TOGARAM1: variants seen among roughly 807,000 people sequenced by gnomAD.
The protein encoded by TOGARAM1 is TOG array regulator of axonemal microtubules protein 1.
In TOGARAM1, 100 loss-of-function variants were observed where a neutral mutation model predicts 166.6. The ratio of observed to expected loss-of-function variants is 0.60; its 90% CI spans 0.51 to 0.71. The LOEUF is 0.71. Among genes scored for constraint, TOGARAM1 ranks in the 30% least tolerant of loss-of-function variants. TOGARAM1 has a pLI of 0.00. For missense variants in TOGARAM1, 2,029 were observed against 2,102.7 expected, an observed-to-expected ratio of 0.96 and a Z score of 0.69; for synonymous variants, 758 against 763.8, an observed-to-expected ratio of 0.99 and a Z score of 0.13.
At chr14:45,008,829 C>A in intron 5 of TOGARAM1, 84 bp from the exon 6 acceptor site, 1 of 1,056,856 alleles carries the variant, frequency 9.5e-7, no homozygotes, top group Non-Finnish European at 1.4e-6. Flanking sequence ...CTAGGTATAG[C>A]TAATGGAGTT....
intron 10 of TOGARAM1, among the ~76,000 whole-genome samples, chr14:45,031,708 A>G (rs939933094): frequency 2.6e-5 from 4 of 152,212 alleles, no homozygotes; most frequent in Non-Finnish European, 4.4e-5. Flanking sequence ...GCATATAAAA[A>G]GTAAAGTTTT....
rs547109296 is a variant in TOGARAM1, at chr14:45,038,592, T to C, written c.3813-5094T>C. On this transcript the variant is annotated intron_variant, in intron 11 of 19. Coordinates refer to ENST00000361462, the MANE Select transcript of TOGARAM1 (RefSeq NM_001308120.2). ...GGGAATGTGGTGGCACCCAGAAGCT[T>C]GGAGATGCCAGCAACTGCAGAACCC... Among the ~76,000 whole-genome samples the C allele has an allele frequency of 2.0e-5, 3 of 152,270 alleles. No homozygotes were observed. In the South Asian group the frequency reaches 6.2e-4, roughly 32 times the overall value.
intron 1 of TOGARAM1, among the ~76,000 whole-genome samples, chr14:44,991,586 C>A (rs1887139081): frequency 6.6e-6 from 1 of 152,040 alleles, no homozygotes; most frequent in Non-Finnish European, 1.5e-5. Flanking sequence ...ATGTTCACTG[C>A]AAGATTGTAA....
chr14:45,052,046 A>G (rs1476662560), intron 14 of TOGARAM1, among the ~76,000 whole-genome samples: 2 of 152,200 alleles, frequency 1.3e-5, no homozygotes, highest in Admixed American at 6.5e-5. Context: ...CTGGCAACAC[A>G]GTACATTGTA....
chr14:45,070,335 T>C (rs1883324546), intron 18 of TOGARAM1, among the ~76,000 whole-genome samples: 1 of 152,210 alleles, frequency 6.6e-6, no homozygotes, highest in African/African-American at 2.4e-5. Context: ...ATCAGACCTA[T>C]ATGAAGTGCC....
intron 2 of TOGARAM1, chr14:44,997,359 T>G (rs1385452456): frequency 8.3e-6 from 1 of 121,050 alleles, no homozygotes; most frequent in Non-Finnish European, 1.6e-5. Context: ...TGAGTCAAGA[T>G]CGCACCACTG....
At chr14:45,066,816 C>T in intron 17 of TOGARAM1, 49 bp downstream of exon 17, 1 of 1,491,216 alleles carries the variant, frequency 6.7e-7, no homozygotes, top group Non-Finnish European at 9.1e-7. Flanking sequence ...TGGCTCACGC[C>T]TGTAATCCAA....
intron 11 of TOGARAM1, among the ~76,000 whole-genome samples, chr14:45,041,415 C>T (rs895073160): frequency 3.9e-5 from 6 of 152,014 alleles, no homozygotes; most frequent in African/African-American, 1.4e-4. Context: ...CAAAACAAAA[C>T]AAAAAAGTTT....
chr14:44,964,267 G>A lies in TOGARAM1; in HGVS notation c.1846G>A (p.Gly616Ser). ...HGADTDWLLA[G>S]NRTQSAHCHC... The stretch of plus-strand genomic sequence containing the variant: ...AGCAGATACGGACTGGCTTTTGGCT[G>A]GTAACAGAACTCAGAGTGCACACTG... Residue 616 changes from glycine to serine, a missense_variant, in exon 1 of 20, where the codon GGT (glycine) becomes AGT (serine). Transcript: ENST00000361462. 6.2e-7 allele frequency: 1 copy of A among 1,614,152 alleles called. No homozygotes were observed. The highest frequency in any genetic ancestry group is 8.5e-7 in the Non-Finnish European group (1 of 1,180,016).
At chr14:44,971,092 T>C (rs1450030777) in intron 1 of TOGARAM1, among the ~76,000 whole-genome samples, 1 of 152,170 alleles carries the variant, frequency 6.6e-6, no homozygotes, top group Non-Finnish European at 1.5e-5. Flanking sequence ...CAGAAAGTAT[T>C]CTCCCTGCTT....
In TOGARAM1 at chr14:45,046,114, G is replaced by A. The variant is rs541641115; in HGVS notation, c.4155-431G>A. Among the ~76,000 whole-genome samples the A allele has an allele frequency of 5.3e-4, 80 of 151,724 alleles. 1 individual carries two copies. In the South Asian group the frequency reaches 0.016, roughly 31 times the overall value. On this transcript the variant is annotated intron_variant, in intron 13 of 19. Transcript: ENST00000361462. Reference sequence around the variant, plus strand: ...ATTTTAGACTCACAGGATGATTGTTGAGGAGCTGTTAAATCATTTAACTTT... The same window carrying A: ...ATTTTAGACTCACAGGATGATTGTTAAGGAGCTGTTAAATCATTTAACTTT...
Position 45,028,205 on chromosome 14 carries a change from T to C in TOGARAM1, c.3534T>C (p.Tyr1178=), listed in dbSNP as rs1182470373. The change falls in exon 10 of 20, where the codon TAT becomes TAC. Residue 1178 remains tyrosine (Y), a synonymous_variant. Coordinates refer to ENST00000361462, the MANE Select transcript of TOGARAM1 (RefSeq NM_001308120.2). Reference sequence around the variant, plus strand: ...AAGTTTCTATTTCTAAATCTACTTATAACAAGATGAGACAAAAGAGAAAAG... The same window carrying C: ...AAGTTTCTATTTCTAAATCTACTTACAACAAGATGAGACAAAAGAGAAAAG... The part of the protein sequence containing the change: ...DAKVSISKST[Y]NKMRQKRKEE... The C allele has an allele frequency of 6.3e-6, 10 of 1,585,872 alleles. No individual in the cohort carries two copies. In the Middle Eastern group the frequency reaches 7.0e-4, roughly 110 times the overall value.
intron 1 of TOGARAM1, among the ~76,000 whole-genome samples, chr14:44,982,483 A>T (rs1886587590): frequency 6.6e-6 from 1 of 152,232 alleles, no homozygotes; most frequent in South Asian, 2.1e-4. Flanking sequence ...TAGGAATCAT[A>T]GTAGTCAGTA....
rs1566586556 is a variant in TOGARAM1, at chr14:44,962,648, A to G, written c.227A>G (p.Glu76Gly). The G allele has an allele frequency of 6.2e-7, 1 of 1,614,076 alleles. No individual in the cohort carries two copies. Among genetic ancestry groups the G allele is most frequent in the Non-Finnish European group, 8.5e-7 (1 of 1,179,992 alleles). The change falls in exon 1 of 20, where the codon GAG becomes GGG. Residue 76 changes from glutamate to glycine, a missense_variant. By Grantham distance (98) the Glu-to-Gly change is moderately conservative. This residue lies in a region of TOGARAM1 where 1,453 missense variants were observed against 1,432.2 expected (regional missense o/e 1.01). Transcript: ENST00000361462. ...PLASALLMPS[E>G]AVSSSWSESG... The stretch of plus-strand genomic sequence containing the variant: ...GCCTCGGCCCTCTTGATGCCCTCGG[A>G]GGCAGTCTCAAGCAGCTGGTCTGAG...
At chr14:45,003,733 G>T (rs1369832688) in intron 3 of TOGARAM1, among the ~76,000 whole-genome samples, 2 of 131,470 alleles carry the variant, frequency 1.5e-5, no homozygotes, top group African/African-American at 3.4e-5. Flanking sequence ...ATGAGAAAAA[G>T]AATAATTCAC....
chr14:45,006,280 T>C lies in TOGARAM1; in HGVS notation c.2904+13T>C. ...GGATCAAGAAGAGGTTAGAACCAAA[T>C]ATTTTTAATGACTTAAAAATATTTG... On this transcript the variant is annotated intron_variant, in intron 5 of 19. Coordinates refer to ENST00000361462, the MANE Select transcript of TOGARAM1 (RefSeq NM_001308120.2). 6.4e-7 allele frequency: 1 copy of C among 1,556,498 alleles called. No individual in the cohort carries two copies.
chr14:44,991,701 C>T (rs1204951507), intron 1 of TOGARAM1, among the ~76,000 whole-genome samples: 2 of 151,764 alleles, frequency 1.3e-5, no homozygotes, highest in East Asian at 1.9e-4. Context: ...CATATTTACT[C>T]TGTGCCAGAG....
In TOGARAM1 at chr14:45,047,243, T is replaced by C. The variant is rs139655575; in HGVS notation, c.4313+540T>C. On this transcript the variant is annotated intron_variant, in intron 14 of 19. Coordinates refer to ENST00000361462, the MANE Select transcript of TOGARAM1 (RefSeq NM_001308120.2). ...CGTCTCTACTAAAAATACAATAAAATTAGCCGGGCATGGTGGCAGGCGCCT... is the reference window on the plus strand; with the variant it reads ...CGTCTCTACTAAAAATACAATAAAACTAGCCGGGCATGGTGGCAGGCGCCT... 6.8e-4 allele frequency among the ~76,000 whole-genome samples: 103 copies of C among 151,758 alleles called. 1 individual carries two copies. In the East Asian group the frequency reaches 0.018, roughly 27 times the overall value.
chr14:45,054,330 C>G, intron 15 of TOGARAM1, 101 bp from the exon 16 acceptor site: 1 of 692,138 alleles, frequency 1.4e-6, no homozygotes, highest in Non-Finnish European at 2.4e-6. Context: ...TACTTTCCAT[C>G]TTAAAAAATC....
Sources: allele counts gnomAD v4.1 joint callset (sites outside exome capture counted in the v4.1 genomes callset), GRCh38; gene constraint gnomAD v4.1.1; regional missense constraint gnomAD v4.1.1; transcripts MANE v1.5; gene names NCBI Gene and HGNC (gene_info 2026-07-23, HGNC 2026-07-21).